CECR2: variants seen among roughly 807,000 people sequenced by gnomAD.
The protein encoded by CECR2 is CECR2 histone acetyl-lysine reader.
A neutral mutation model predicts 154.5 loss-of-function variants in CECR2; 30 were observed. The ratio of observed to expected loss-of-function variants is 0.19; its 90% CI spans 0.15 to 0.26. The LOEUF is 0.26. Among genes scored for constraint, CECR2 ranks in the 10% least tolerant of loss-of-function variants. The pLI, the probability that CECR2 is intolerant of heterozygous loss-of-function variation, is 1.00. For missense variants in CECR2, 1,743 were observed against 1,829.3 expected, an observed-to-expected ratio of 0.95 and a Z score of 0.86; for synonymous variants, 725 against 683.7, an observed-to-expected ratio of 1.06 and a Z score of -0.94.
chr22:17,531,532 C>G (rs915424274), intron 9 of CECR2, among the ~76,000 whole-genome samples: 8 of 152,168 alleles, frequency 5.3e-5, no homozygotes, highest in African/African-American at 1.2e-4. Flanking sequence ...ATTGGATTTG[C>G]AACCATCAGA....
At chr22:17,442,560 G>GT (rs1182040705) in intron 1 of CECR2, among the ~76,000 whole-genome samples, 4 of 152,056 alleles carry the variant, frequency 2.6e-5, no homozygotes, top group Non-Finnish European at 5.9e-5. Context: ...TTTGTTTTGT[G>GT]TTTTTTGAGA....
At chr22:17,457,448 C>A (rs190049271) in intron 1 of CECR2, among the ~76,000 whole-genome samples, 2 of 152,328 alleles carry the variant, frequency 1.3e-5, no homozygotes, top group East Asian at 3.9e-4. Flanking sequence ...TAATACCTTT[C>A]GTTAATAAAA....
intron 1 of CECR2, among the ~76,000 whole-genome samples, chr22:17,416,873 TTTTCTC>T (rs537636973): frequency 1.3e-5 from 2 of 152,168 alleles, no homozygotes; most frequent in Non-Finnish European, 2.9e-5. Context: ...TAGCTTTACT[TTTTCTC>T]TTTCTAAATA....
In CECR2 at chr22:17,422,025, C is replaced by G. The variant is rs1439106962; in HGVS notation, c.126+52116C>G. Among the ~76,000 whole-genome samples, 3 of 143,526 alleles carry G rather than the reference C, an allele frequency of 2.1e-5. No individual in the cohort carries two copies. In the East Asian group the frequency reaches 6.0e-4, roughly 29 times the overall value. 94.2% of individuals were successfully genotyped at this position (143,526 alleles called of 152,430 possible). A position where few individuals can be genotyped will look rare whatever the true frequency, so the allele number is the denominator to read the frequency against. ...TTTTTTCTCATCACTTTATTTCACTCCCCTCGTCTTGCTTGTCTGGTTTCT... is the reference window on the plus strand; with the variant it reads ...TTTTTTCTCATCACTTTATTTCACTGCCCTCGTCTTGCTTGTCTGGTTTCT... On this transcript the variant is annotated intron_variant, in intron 1 of 18. Transcript: ENST00000262608.
Position 17,542,601 on chromosome 22 carries a change from C to A in CECR2, c.2458C>A (p.Pro820Thr), listed in dbSNP as rs377545671. Residue 820 changes from proline (P) to threonine (T), a missense_variant, in exon 16 of 19, where the codon CCC becomes ACC. By Grantham distance (38) the Pro-to-Thr change is conservative (BLOSUM62 -1). Transcript: ENST00000262608. ...CCGAGTCATGAGACCACCTGTCCCC[C>A]CCAACCAGTGGACTGAACAATCAGG... The part of the protein sequence containing the change: ...DSRVMRPPVP[P>T]NQWTEQSGFL... 8 of 1,613,878 alleles carry A rather than the reference C, an allele frequency of 5.0e-6. No individual in the cohort carries two copies. The African/African-American group carries it at 6.7e-5, about 13-fold the overall frequency.
At chr22:17,419,498 AGAG>A (rs879870773) in intron 1 of CECR2, 7,109 of 184,238 alleles carry the variant, frequency 0.039, 518 homozygotes, top group African/African-American at 0.16. Context: ...CTCATCAGGA[AGAG>A]GAAGAGGAGG....
chr22:17,449,483 CTTTTTTTTTT>C (rs35473694), intron 1 of CECR2, among the ~76,000 whole-genome samples: 4 of 71,462 alleles, frequency 5.6e-5, no homozygotes, highest in Admixed American at 2.2e-4. Flanking sequence ...GTAACCAGTT[CTTTTTTTTTT>C]TTTTTTTTTT....
In CECR2 at chr22:17,477,571, C is replaced by T. The variant is rs1439397099; in HGVS notation, c.127-17C>T. 2.2e-5 allele frequency: 34 copies of T among 1,552,332 alleles called. No homozygotes were observed. Among genetic ancestry groups the T allele is most frequent in the Non-Finnish European group, 3.0e-5 (34 of 1,124,862 alleles). On this transcript the variant is annotated splice_polypyrimidine_tract_variant and intron_variant, in intron 1 of 18. Coordinates refer to ENST00000262608, the MANE Select transcript of CECR2 (RefSeq NM_001290047.2). ...ATCTCTGTTTGATTTCTCAACTTCC[C>T]TCTCTCCCTCCCTCAGGAGTTAGAA...
Position 17,548,581 on chromosome 22 carries a change from A to G in CECR2, c.3294A>G (p.Ala1098=), listed in dbSNP as rs1468906348. ...QETMPCTGQN[A]ATPPSTDPGL... is the part of the protein sequence containing the mutation. ...CCATGCCATGCACGGGACAGAACGC[A>G]GCGACACCGCCCAGCACAGACCCCG... Residue 1098 remains alanine, a synonymous_variant, in exon 17 of 19, where the codon GCA becomes GCG. Coordinates refer to ENST00000262608, the MANE Select transcript of CECR2 (RefSeq NM_001290047.2). 3 of 1,613,644 alleles carry G rather than the reference A, an allele frequency of 1.9e-6. No homozygotes were observed. Among genetic ancestry groups the G allele is most frequent in the African/African-American group, 1.3e-5 (1 of 75,034 alleles).
chr22:17,514,203 G>A (rs898597859), intron 8 of CECR2, among the ~76,000 whole-genome samples: 3 of 152,148 alleles, frequency 2.0e-5, no homozygotes, highest in African/African-American at 4.8e-5. Flanking sequence ...TCAGGGATTC[G>A]GGATGCAGTG....
chr22:17,540,856 A>C (rs2056512971), intron 14 of CECR2, 56 bp downstream of exon 14: 1 of 1,478,368 alleles, frequency 6.8e-7, no homozygotes, highest in African/African-American at 1.4e-5. Flanking sequence ...GTTCATAGTA[A>C]TGTAGAGGCC....
chr22:17,535,217 C>T (rs62241408), intron 9 of CECR2, among the ~76,000 whole-genome samples: 8,843 of 151,916 alleles, frequency 0.058, 341 homozygotes, highest in African/African-American at 0.11. Flanking sequence ...ACTCAGGAGG[C>T]TGAGGCAGGA....
intron 10 of CECR2, 115 bp downstream of exon 10, chr22:17,537,347 T>G (rs190137242): frequency 7.9e-7 from 1 of 1,259,982 alleles, no homozygotes; most frequent in Non-Finnish European, 1.1e-6. Flanking sequence ...ATGGTCACCA[T>G]GTGTGAGTGA....
chr22:17,360,476 G>A (rs2062970901), intron 1 of CECR2, among the ~76,000 whole-genome samples: 1 of 152,044 alleles, frequency 6.6e-6, no homozygotes, highest in Non-Finnish European at 1.5e-5. Flanking sequence ...CAGGTCAGGA[G>A]TTCGAGACCA....
chr22:17,519,457 ACCAC>A (rs933259473), intron 8 of CECR2, among the ~76,000 whole-genome samples: 1 of 151,734 alleles, frequency 6.6e-6, no homozygotes, highest in Non-Finnish European at 1.5e-5. Context: ...GACAGGGTTC[ACCAC>A]ATTAGCCAGG....
intron 1 of CECR2, among the ~76,000 whole-genome samples, chr22:17,468,502 A>G (rs1032749677): frequency 6.6e-6 from 1 of 152,132 alleles, no homozygotes; most frequent in Non-Finnish European, 1.5e-5. Context: ...CAACATAGTG[A>G]GATCCTGTCT....
At position 17,404,364 on chromosome 22, in the gene CECR2, C is replaced by CTTTTTTTTTTTTTTTTTTTTTTTTT. The variant is rs1209598318; in HGVS notation, c.126+34458_126+34459insTTTTTTTTTTTTTTTTTTTTTTTTT. Among the ~76,000 whole-genome samples the CTTTTTTTTTTTTTTTTTTTTTTTTT allele has an allele frequency of 1.3e-4, 8 of 59,602 alleles. 2 individuals carry two copies. Among genetic ancestry groups the CTTTTTTTTTTTTTTTTTTTTTTTTT allele is most frequent in the Non-Finnish European group, 2.5e-4 (8 of 31,430 alleles). The allele number at this position is 59,602 out of a possible 152,430, so 39.1% of individuals were successfully genotyped here. A position where few individuals can be genotyped will look rare whatever the true frequency, so the allele number is the denominator to read the frequency against. On this transcript the variant is annotated intron_variant, in intron 1 of 18. Coordinates refer to ENST00000262608, the MANE Select transcript of CECR2 (RefSeq NM_001290047.2). The stretch of plus-strand genomic sequence containing the variant: ...TGTGGGTTCATTTCTGGACCCTGTT[C>CTTTTTTTTTTTTTTTTTTTTTTTTT]TTTCTTTTTTTTTTTTTTTTTTTTT...
chr22:17,494,051 G>C (rs1248578965), intron 2 of CECR2, among the ~76,000 whole-genome samples: 1 of 152,158 alleles, frequency 6.6e-6, no homozygotes. Context: ...ACACACTTCT[G>C]GCTACTAAAA....
chr22:17,482,317 G>A (rs1170085466), intron 2 of CECR2, among the ~76,000 whole-genome samples: 1 of 149,802 alleles, frequency 6.7e-6, no homozygotes, highest in Non-Finnish European at 1.5e-5. Context: ...CCAGCTACTC[G>A]GGAGGCTGAG....
Sources: allele counts gnomAD v4.1 joint callset (sites outside exome capture counted in the v4.1 genomes callset), GRCh38; gene constraint gnomAD v4.1.1; transcripts MANE v1.5; gene names NCBI Gene and HGNC (gene_info 2026-07-23, HGNC 2026-07-21).